The following XKR3 variants were observed in gnomAD, a reference collection of about 807,000 sequenced individuals.
XKR3 encodes XK related 3, also known as XK-related protein 3.
Under a neutral mutation model 40.3 loss-of-function variants are expected in XKR3, and 27 were observed. The observed-to-expected ratio is 0.67, with a 90% CI of 0.49 to 0.92. The LOEUF is 0.92. Among genes scored for constraint, XKR3 ranks in the 40% least tolerant of loss-of-function variants. The probability of loss-of-function intolerance (pLI) is 0.00; values close to 1 mark genes in which losing one functional copy is unlikely to be tolerated. For missense variants in XKR3, 472 were observed against 537.6 expected (o/e 0.88, Z 1.21); for synonymous variants, 193 against 195.4 (o/e 0.99, Z 0.10).
At position 16,790,482 on chromosome 22, in the gene XKR3, A is replaced by G. The variant is rs1237065594; in HGVS notation, c.590-6073T>C. ...AAACAAATACCACGTGTTCTCACTT[A>G]TAACTGGGAACTAAATTATGATTAC... On this transcript the variant is annotated intron_variant, in intron 3 of 3. Coordinates refer to ENST00000684488, the MANE Select transcript of XKR3 (RefSeq NM_001386955.1). Among the ~76,000 whole-genome samples the G allele has an allele frequency of 5.9e-5, 9 of 152,202 alleles. No individual in the cohort carries two copies. In the East Asian group the frequency reaches 1.7e-3, roughly 29 times the overall value.
intron 1 of XKR3, among the ~76,000 whole-genome samples, chr22:16,823,066 G>A (rs144930973): frequency 6.6e-6 from 1 of 152,136 alleles, no homozygotes; most frequent in African/African-American, 2.4e-5. Context: ...TGTTTTTTGA[G>A]GAGATGGGGT....
At chr22:16,790,573 G>GA (rs2060111306) in intron 3 of XKR3, among the ~76,000 whole-genome samples, 1 of 152,078 alleles carries the variant, frequency 6.6e-6, no homozygotes, top group Non-Finnish European at 1.5e-5. Flanking sequence ...TGGGAGGAAG[G>GA]AGAACATCAG....
chr22:16,798,722 T>C (rs1009214054), intron 3 of XKR3, among the ~76,000 whole-genome samples: 1 of 152,194 alleles, frequency 6.6e-6, no homozygotes, highest in Non-Finnish European at 1.5e-5. Flanking sequence ...TAAATGCAGG[T>C]GGAGGCCATT....
chr22:16,824,066 C>G (rs552846331), intron 1 of XKR3, among the ~76,000 whole-genome samples: 1 of 152,056 alleles, frequency 6.6e-6, no homozygotes, highest in East Asian at 1.9e-4. Flanking sequence ...CAAATAGGCC[C>G]TAGAAGCAAT....
intron 2 of XKR3, among the ~76,000 whole-genome samples, chr22:16,803,596 A>G (rs1312380038): frequency 2.6e-5 from 4 of 152,252 alleles, no homozygotes; most frequent in Admixed American, 6.5e-5. Flanking sequence ...ACTACAGGTC[A>G]TAATGAACTT....
At chr22:16,799,297 C>G (rs1318586732) in intron 3 of XKR3, among the ~76,000 whole-genome samples, 5 of 150,646 alleles carry the variant, frequency 3.3e-5, no homozygotes, top group Admixed American at 1.3e-4. Flanking sequence ...ACCTGTAGTC[C>G]CAGCTACTCA....
At chr22:16,791,784 AGAGAGAGAGAG>A (rs2060118743) in intron 3 of XKR3, among the ~76,000 whole-genome samples, 2 of 37,952 alleles carry the variant, frequency 5.3e-5, no homozygotes, top group African/African-American at 9.9e-5. Flanking sequence ...AGAGGGAGAG[AGAGAGAGAGAG>A]AGAGAGAGAG....
At chr22:16,816,281 C>A (rs1025567758) in intron 1 of XKR3, among the ~76,000 whole-genome samples, 3 of 151,098 alleles carry the variant, frequency 2.0e-5, no homozygotes, top group Admixed American at 6.6e-5. Flanking sequence ...CTACCCTGAA[C>A]CTTTTTTTCT....
rs1385347901 is a variant in XKR3 at position 16,784,285 on chromosome 22, G to A, written c.714C>T (p.Val238=). 1.9e-6 allele frequency: 3 copies of A among 1,614,138 alleles called. No individual in the cohort carries two copies. In the South Asian group the frequency reaches 3.3e-5, roughly 18 times the overall value. The stretch of plus-strand genomic sequence containing the variant: ...TAACCTCCAAAAAACGCCACATCAC[G>A]ACACAGAAGAATTCTATCGGCGGTA... ...IKLPPIEFFC[V]VMWRFLEVIS... Residue 238 remains valine, a synonymous_variant, in exon 4 of 4, where the codon GTC becomes GTT. Transcript: ENST00000684488.
At chr22:16,786,095 A>G (rs1203444249) in intron 3 of XKR3, among the ~76,000 whole-genome samples, 2 of 152,148 alleles carry the variant, frequency 1.3e-5, no homozygotes, top group African/African-American at 4.8e-5. Flanking sequence ...AATATAATAA[A>G]TGACCTAAAA....
At chr22:16,802,202 T>A (rs897983918) in intron 2 of XKR3, among the ~76,000 whole-genome samples, 1 of 152,210 alleles carries the variant, frequency 6.6e-6, no homozygotes, top group African/African-American at 2.4e-5. Flanking sequence ...ACCCTTTAGA[T>A]ACTTTTGACC....
intron 1 of XKR3, among the ~76,000 whole-genome samples, chr22:16,810,373 T>A (rs1204792434): frequency 6.6e-6 from 1 of 152,210 alleles, no homozygotes; most frequent in African/African-American, 2.4e-5. Context: ...TCCTTAATGC[T>A]TTTCTTTTCA....
chr22:16,792,973 A>T (rs1265431168), intron 3 of XKR3, among the ~76,000 whole-genome samples: 1 of 152,288 alleles, frequency 6.6e-6, no homozygotes, highest in East Asian at 1.9e-4. Flanking sequence ...CATATATCTA[A>T]ATGTCTACAT....
intron 3 of XKR3, among the ~76,000 whole-genome samples, chr22:16,796,852 C>T (rs2060143378): frequency 6.6e-6 from 1 of 152,054 alleles, no homozygotes; most frequent in Non-Finnish European, 1.5e-5. Context: ...ACAAGAAGCC[C>T]AATTAGTCAA....
intron 3 of XKR3, among the ~76,000 whole-genome samples, chr22:16,795,883 C>T (rs1363140333): frequency 6.6e-6 from 1 of 152,050 alleles, no homozygotes; most frequent in East Asian, 1.9e-4. Flanking sequence ...ATGAGAATTG[C>T]TTGAACCTGG....
At chr22:16,798,504 G>C (rs1308407665) in intron 3 of XKR3, among the ~76,000 whole-genome samples, 1 of 152,092 alleles carries the variant, frequency 6.6e-6, no homozygotes, top group Admixed American at 6.5e-5. Flanking sequence ...ATCATTCTAG[G>C]TCCAAGACAC....
chr22:16,797,940 G>A (rs544750331), intron 3 of XKR3, among the ~76,000 whole-genome samples: 1 of 152,076 alleles, frequency 6.6e-6, no homozygotes, highest in East Asian at 1.9e-4. Flanking sequence ...TTGGGAGGCT[G>A]AGGTGGGTGG....
At chr22:16,824,655 T>C (rs546399027) in intron 1 of XKR3, among the ~76,000 whole-genome samples, 1 of 152,146 alleles carries the variant, frequency 6.6e-6, no homozygotes, top group East Asian at 1.9e-4. Flanking sequence ...ACATCCAACA[T>C]TATAAGAAAT....
chr22:16,818,047 A>G (rs1224513237), intron 1 of XKR3, among the ~76,000 whole-genome samples: 1 of 152,132 alleles, frequency 6.6e-6, no homozygotes. Context: ...TATATGCTAT[A>G]AATCATTGGC....
Sources: gnomAD v4.1 joint callset for allele counts (sites outside exome capture counted in the v4.1 genomes callset) on GRCh38, gnomAD v4.1.1 for gene constraint, MANE v1.5 for transcripts, NCBI Gene and HGNC (gene_info 2026-07-23, HGNC 2026-07-21) for gene names.